The following TMEM178A variants were observed in gnomAD, a reference collection of about 807,000 sequenced individuals.
TMEM178A encodes the protein transmembrane protein 178A.
Under a neutral mutation model 29.1 loss-of-function variants are expected in TMEM178A, and 12 were observed. The observed-to-expected ratio is 0.41, with a 90% CI of 0.26 to 0.67. The LOEUF is 0.67. TMEM178A is among the 30% of genes least tolerant of loss of function. The pLI is 0.29. For synonymous variants in TMEM178A, 210 were observed against 187.2 expected (o/e 1.12, Z -0.99); for missense variants, 366 against 419.1 (o/e 0.87, Z 1.11).
chr2:39,724,714 C>G, the TMEM178A span, among the ~76,000 whole-genome samples: 1 of 152,178 alleles, frequency 6.6e-6, no homozygotes, highest in East Asian at 1.9e-4. Context: ...CATATGGAAA[C>G]TATAATGGTC....
intron 1 of TMEM178A, among the ~76,000 whole-genome samples, chr2:39,678,884 G>T (rs369830481): frequency 1.3e-5 from 2 of 152,208 alleles, no homozygotes; most frequent in East Asian, 3.9e-4. Flanking sequence ...ATGCACTTTC[G>T]TATCTCTGTG....
intron 1 of TMEM178A, among the ~76,000 whole-genome samples, chr2:39,684,854 C>G (rs530495459): frequency 3.3e-5 from 5 of 152,280 alleles, no homozygotes; most frequent in African/African-American, 4.8e-5. Flanking sequence ...TGCTGTTCCT[C>G]TGTCTGGAAC....
the TMEM178A span, among the ~76,000 whole-genome samples, chr2:39,732,405 C>A: frequency 6.6e-6 from 1 of 152,076 alleles, no homozygotes; most frequent in Non-Finnish European, 1.5e-5. Flanking sequence ...TCATGAGTGC[C>A]GTCAGCCATG....
intron 1 of TMEM178A, among the ~76,000 whole-genome samples, chr2:39,670,070 G>A (rs1670347089): frequency 6.6e-6 from 1 of 152,162 alleles, no homozygotes; most frequent in African/African-American, 2.4e-5. Context: ...GGACTGACTT[G>A]GAAAAGTATG....
At chr2:39,700,263 T>A (rs1671724349) in intron 1 of TMEM178A, among the ~76,000 whole-genome samples, 1 of 152,190 alleles carries the variant, frequency 6.6e-6, no homozygotes, top group Non-Finnish European at 1.5e-5. Flanking sequence ...ATTATTGAAA[T>A]AGAAGTATTG....
the TMEM178A span, among the ~76,000 whole-genome samples, chr2:39,727,455 T>C: frequency 3.9e-5 from 6 of 152,218 alleles, no homozygotes; most frequent in Non-Finnish European, 8.8e-5. Context: ...TCTCACCTAA[T>C]TTTAGTCCAA....
upstream of TMEM178A, chr2:39,665,916 T>C: frequency 1.5e-6 from 2 of 1,313,844 alleles, no homozygotes; most frequent in Non-Finnish European, 1.9e-6. Flanking sequence ...TGGGGCCAAG[T>C]GCATTGTGTC....
At chr2:39,685,403 T>G (rs1028322704) in intron 1 of TMEM178A, among the ~76,000 whole-genome samples, 1 of 152,262 alleles carries the variant, frequency 6.6e-6, no homozygotes, top group East Asian at 1.9e-4. Flanking sequence ...GAACACTCAG[T>G]ACTTCTCCTT....
At chr2:39,708,401 G>C (rs1043008901) in intron 3 of TMEM178A, among the ~76,000 whole-genome samples, 21 of 145,604 alleles carry the variant, frequency 1.4e-4, no homozygotes, top group African/African-American at 5.0e-4. Flanking sequence ...AAGCAAAGGA[G>C]TGACTTGATT....
At chr2:39,673,840 TG>T (rs1330325262) in intron 1 of TMEM178A, among the ~76,000 whole-genome samples, 1 of 152,234 alleles carries the variant, frequency 6.6e-6, no homozygotes. Context: ...TGTGAGCACT[TG>T]CTTCACTCAA....
At chr2:39,673,826 G>A (rs1334420691) in intron 1 of TMEM178A, among the ~76,000 whole-genome samples, 6 of 152,140 alleles carry the variant, frequency 3.9e-5, no homozygotes, top group Non-Finnish European at 8.8e-5. Flanking sequence ...TTTGGTGTGG[G>A]GGATGTGAGC....
chr2:39,692,910 T>A (rs972236486), intron 1 of TMEM178A, among the ~76,000 whole-genome samples: 6 of 152,210 alleles, frequency 3.9e-5, no homozygotes, highest in African/African-American at 1.4e-4. Context: ...AAAAAATACA[T>A]TCCCAAATTT....
At chr2:39,701,965 G>A (rs1671800769) in intron 1 of TMEM178A, among the ~76,000 whole-genome samples, 1 of 151,874 alleles carries the variant, frequency 6.6e-6, no homozygotes, top group Non-Finnish European at 1.5e-5. Flanking sequence ...TAGTTATTTG[G>A]ATAGGTTTTC....
chr2:39,672,559 TCTGTCACTCAGG>T (rs1417578706), intron 1 of TMEM178A, among the ~76,000 whole-genome samples: 3 of 152,150 alleles, frequency 2.0e-5, no homozygotes, highest in East Asian at 1.9e-4. Context: ...TCTTGCTCTG[TCTGTCACTCAGG>T]CTAGAGCTGA....
chr2:39,678,455 A>G (rs1320299478), intron 1 of TMEM178A, among the ~76,000 whole-genome samples: 1 of 152,214 alleles, frequency 6.6e-6, no homozygotes, highest in African/African-American at 2.4e-5. Flanking sequence ...TAAAAACACT[A>G]TGCTCGGTGA....
the TMEM178A span, among the ~76,000 whole-genome samples, chr2:39,729,251 T>G: frequency 6.6e-6 from 1 of 152,210 alleles, no homozygotes; most frequent in Non-Finnish European, 1.5e-5. Flanking sequence ...TATTGAACGC[T>G]GAATGCTGTC....
chr2:39,666,584 T>C (rs1436072414), intron 1 of TMEM178A, among the ~76,000 whole-genome samples: 2 of 152,106 alleles, frequency 1.3e-5, no homozygotes, highest in African/African-American at 4.8e-5. Context: ...CTCTCTTCTT[T>C]CGTCCACATC....
chr2:39,671,922 T>C (rs1288239024), intron 1 of TMEM178A, among the ~76,000 whole-genome samples: 1 of 152,224 alleles, frequency 6.6e-6, no homozygotes, highest in Non-Finnish European at 1.5e-5. Context: ...CACACATTTA[T>C]CTTGCACAGG....
At chr2:39,704,747 A>G (rs1420838474) in intron 2 of TMEM178A, among the ~76,000 whole-genome samples, 2 of 152,194 alleles carry the variant, frequency 1.3e-5, no homozygotes, top group Non-Finnish European at 2.9e-5. Flanking sequence ...AAGAGGGCTG[A>G]TATTTACCTA....
Sources: gnomAD v4.1 joint callset for allele counts (sites outside exome capture counted in the v4.1 genomes callset) on GRCh38, gnomAD v4.1.1 for gene constraint, MANE v1.5 for transcripts, NCBI Gene and HGNC (gene_info 2026-07-23, HGNC 2026-07-21) for gene names.